ENPP6: variants seen among roughly 807,000 people sequenced by gnomAD.
The protein encoded by ENPP6 is ectonucleotide pyrophosphatase/phosphodiesterase 6, also known as glycerophosphocholine cholinephosphodiesterase ENPP6.
Under a neutral mutation model 42.0 loss-of-function variants are expected in ENPP6, and 32 were observed. That is an observed-to-expected ratio of 0.76 (90% CI 0.58 to 1.02). The LOEUF (loss-of-function observed/expected upper bound fraction) is 1.02. Among genes scored for constraint, ENPP6 ranks in the 50% least tolerant of loss-of-function variants. The pLI is 0.00. For synonymous variants in ENPP6, 213 were observed against 216.0 expected, an observed-to-expected ratio of 0.99 and a Z score of 0.12; for missense variants, 552 against 566.8, an observed-to-expected ratio of 0.97 and a Z score of 0.27.
At chr4:184,195,859 T>G (rs1882329) in intron 1 of ENPP6, among the ~76,000 whole-genome samples, 140,562 of 152,274 alleles carry the variant, frequency 0.92, 65,899 homozygotes, top group East Asian at 1. Context: ...TTCCCCTAGG[T>G]TTAGCTTAGA....
intron 1 of ENPP6, among the ~76,000 whole-genome samples, chr4:184,208,769 G>A (rs1733051492): frequency 6.9e-6 from 1 of 144,488 alleles, no homozygotes; most frequent in African/African-American, 2.6e-5. Flanking sequence ...GCCTCTGTAA[G>A]CTCCACCTCT....
intron 1 of ENPP6, among the ~76,000 whole-genome samples, chr4:184,161,170 T>C (rs546275667): frequency 7.9e-5 from 12 of 151,726 alleles, no homozygotes; most frequent in Non-Finnish European, 1.8e-4. Context: ...ATGACCAGAA[T>C]CTACAAGGAA....
At chr4:184,196,675 G>A (rs1298143489) in intron 1 of ENPP6, among the ~76,000 whole-genome samples, 1 of 152,216 alleles carries the variant, frequency 6.6e-6, no homozygotes, top group African/African-American at 2.4e-5. Context: ...TTGGGCTGTG[G>A]GTGTGGTAGA....
chr4:184,170,344 C>T (rs751421531), intron 1 of ENPP6, among the ~76,000 whole-genome samples: 50 of 151,710 alleles, frequency 3.3e-4, no homozygotes, highest in Non-Finnish European at 6.0e-4. Flanking sequence ...GCAGGAGAAT[C>T]ACTTGAGCCA....
intron 1 of ENPP6, among the ~76,000 whole-genome samples, chr4:184,180,247 T>C (rs555772092): frequency 6.6e-6 from 1 of 152,230 alleles, no homozygotes; most frequent in African/African-American, 2.4e-5. Context: ...GCAAATAAAC[T>C]AGAAAATCTA....
intron 1 of ENPP6, among the ~76,000 whole-genome samples, chr4:184,190,618 A>C (rs1374469545): frequency 6.6e-6 from 1 of 152,226 alleles, no homozygotes; most frequent in Non-Finnish European, 1.5e-5. Flanking sequence ...TAAAACATAT[A>C]CAAGGAGGCA....
chr4:184,112,521 CTT>C, intron 6 of ENPP6, 149 bp downstream of exon 6: 1 of 1,017,352 alleles, frequency 9.8e-7, no homozygotes, highest in Non-Finnish European at 1.4e-6. Flanking sequence ...CCGATCAAGA[CTT>C]TTGATTCTCT....
intron 1 of ENPP6, among the ~76,000 whole-genome samples, chr4:184,192,249 T>C (rs946933336): frequency 1.3e-5 from 2 of 152,356 alleles, no homozygotes; most frequent in Admixed American, 1.3e-4. Context: ...GCAATCATGA[T>C]AGTCTGATCT....
intron 1 of ENPP6, among the ~76,000 whole-genome samples, chr4:184,182,477 A>C (rs1348167844): frequency 2.6e-5 from 4 of 152,202 alleles, no homozygotes; most frequent in Non-Finnish European, 5.9e-5. Context: ...CTAGAATCAG[A>C]AATACCATTT....
intron 1 of ENPP6, among the ~76,000 whole-genome samples, chr4:184,200,772 G>A (rs565740904): frequency 6.6e-6 from 1 of 152,190 alleles, no homozygotes; most frequent in Non-Finnish European, 1.5e-5. Context: ...ACCACCAAAG[G>A]TGACTCCCGG....
intron 1 of ENPP6, among the ~76,000 whole-genome samples, chr4:184,208,017 G>GTTTTAATTTGTTT (rs1227562630): frequency 1.0e-5 from 1 of 98,226 alleles, no homozygotes; most frequent in East Asian, 1.8e-3. Context: ...TTTTAACTTG[G>GTTTTAATTTGTTT]TCACCTTTAA....
intron 1 of ENPP6, among the ~76,000 whole-genome samples, chr4:184,176,619 G>A (rs538912289): frequency 6.6e-6 from 1 of 152,226 alleles, no homozygotes; most frequent in South Asian, 2.1e-4. Context: ...CAACTGAACG[G>A]GGCCACCGAG....
intron 1 of ENPP6, among the ~76,000 whole-genome samples, chr4:184,195,608 C>A (rs1017948916): frequency 1.3e-5 from 2 of 152,202 alleles, no homozygotes; most frequent in African/African-American, 4.8e-5. Context: ...TCCCCACAGC[C>A]CCTGGCAACT....
chr4:184,215,526 C>T (rs2111128355), intron 1 of ENPP6, among the ~76,000 whole-genome samples: 1 of 152,264 alleles, frequency 6.6e-6, no homozygotes. Flanking sequence ...CCTGGCATTT[C>T]CCAGCCTGCG....
intron 2 of ENPP6, among the ~76,000 whole-genome samples, chr4:184,134,689 CT>C (rs34490919): frequency 0.64 from 96,696 of 151,262 alleles, 31,223 homozygotes; most frequent in Non-Finnish European, 0.68. Context: ...ACAAATGTGG[CT>C]TTGTCAGTTT....
chr4:184,201,415 G>T (rs1002979517), intron 1 of ENPP6, among the ~76,000 whole-genome samples: 2 of 151,876 alleles, frequency 1.3e-5, no homozygotes, highest in South Asian at 2.1e-4. Flanking sequence ...GAGGCGGGGC[G>T]GGGGGGTGTT....
chr4:184,102,623 G>A (rs185018251), intron 6 of ENPP6, among the ~76,000 whole-genome samples: 9 of 152,354 alleles, frequency 5.9e-5, no homozygotes, highest in Non-Finnish European at 1.2e-4. Context: ...GGTGGCTGGA[G>A]GGTTGAAATC....
chr4:184,196,937 C>A (rs1490176197), intron 1 of ENPP6, among the ~76,000 whole-genome samples: 5 of 152,310 alleles, frequency 3.3e-5, no homozygotes, highest in Non-Finnish European at 7.4e-5. Flanking sequence ...AAGACCCCCC[C>A]ACAGCTAGCC....
In ENPP6 at chr4:184,124,179, T is replaced by A. The variant is rs774846598; in HGVS notation, c.515A>T (p.Asp172Val). 7 of 1,613,966 alleles carry A rather than the reference T, an allele frequency of 4.3e-6. No individual in the cohort carries two copies. Among genetic ancestry groups the A allele is most frequent in the Non-Finnish European group, 5.9e-6 (7 of 1,179,872 alleles). ...TDINFANAVS[D>V]ALDSFKSGRA... The stretch of plus-strand genomic sequence containing the variant: ...CACTTACTTGAAGGAGTCAAGAGCA[T>A]CGCTGACTGCATTGGCAAAATTGAT... Residue 172 changes from aspartate (D) to valine (V), a missense_variant, in exon 3 of 8, where the codon GAT (aspartate) becomes GTT (valine). Transcript: ENST00000296741.
Sources: allele counts gnomAD v4.1 joint callset (sites outside exome capture counted in the v4.1 genomes callset), GRCh38; gene constraint gnomAD v4.1.1; transcripts MANE v1.5; gene names NCBI Gene and HGNC (gene_info 2026-07-23, HGNC 2026-07-21).